Variants in SLIT3 observed in about 807,000 individuals in gnomAD.
SLIT3 encodes slit homolog 3 protein.
Under a neutral mutation model 184.0 loss-of-function variants are expected in SLIT3, and 68 were observed. The ratio of observed to expected loss-of-function variants is 0.37; its 90% confidence interval spans 0.30 to 0.45. The LOEUF (loss-of-function observed/expected upper bound fraction) is 0.45, where lower values mean the gene tolerates loss of function less well. SLIT3 is among the 20% of genes least tolerant of loss of function. SLIT3 has a pLI of 1.00. For missense variants in SLIT3, 1,707 were observed against 2,026.0 expected (o/e 0.84, Z 3.02); for synonymous variants, 831 against 828.6 (o/e 1.00, Z -0.05).
Position 169,098,313 on chromosome 5 carries a change from A to G in SLIT3, c.413+95166T>C, listed in dbSNP as rs182594668. 8.5e-5 allele frequency among the ~76,000 whole-genome samples: 13 copies of G among 152,352 alleles called. 1 individual carries two copies. Among genetic ancestry groups the G allele is most frequent in the Middle Eastern group, 3.4e-3 (1 of 292 alleles). ...ACACCCAAATCACACACGTGTGTGT[A>G]TACACACAGTATACATGCAACCGAT... On this transcript the variant is annotated intron_variant, in intron 4 of 35. Transcript: ENST00000519560.
intron 4 of SLIT3, chr5:169,012,606 C>T (rs190162043): frequency 6.6e-6 from 1 of 152,344 alleles, no homozygotes; most frequent in East Asian, 1.9e-4. Context: ...GCTGTCTCTC[C>T]TTCTGACCTC....
chr5:169,099,110 C>T (rs997204807), intron 4 of SLIT3, among the ~76,000 whole-genome samples: 1 of 152,070 alleles, frequency 6.6e-6, no homozygotes, highest in Non-Finnish European at 1.5e-5. Flanking sequence ...CAGCCCCTCT[C>T]CCCAGTGTTC....
intron 12 of SLIT3, among the ~76,000 whole-genome samples, chr5:168,777,107 C>CACA (rs1755788795): frequency 0.06 from 726 of 12,172 alleles, 1 homozygote; most frequent in African/African-American, 0.13. Flanking sequence ...ACACACACAC[C>CACA]CCCCATACCA....
rs1581388578 is a variant in SLIT3 at position 169,082,047 on chromosome 5, C to G, written c.413+111432G>C. On this transcript the variant is annotated intron_variant, in intron 4 of 35. Coordinates refer to ENST00000519560, the MANE Select transcript of SLIT3 (RefSeq NM_003062.4). ...TATTCGTTATCCCATTTAACACAAA[C>G]AATTCTGAGATCCTTATTATTAGCA... Among the ~76,000 whole-genome samples, 4 of 152,178 alleles carry G rather than the reference C, an allele frequency of 2.6e-5. No individual in the cohort carries two copies. The South Asian group carries it at 6.2e-4, about 24-fold the overall frequency.
chr5:168,983,502 T>C (rs928588962), intron 4 of SLIT3, among the ~76,000 whole-genome samples: 7 of 152,282 alleles, frequency 4.6e-5, no homozygotes, highest in African/African-American at 1.7e-4. Context: ...TAAGATTCTT[T>C]TGGGGTGGTA....
chr5:168,818,679 T>C (rs116329147), intron 7 of SLIT3, among the ~76,000 whole-genome samples: 1,857 of 152,344 alleles, frequency 0.012, 37 homozygotes, highest in African/African-American at 0.042. Context: ...GTCAGCCCTG[T>C]GGAGAGGCTC....
intron 11 of SLIT3, among the ~76,000 whole-genome samples, chr5:168,788,859 T>C (rs1049041827): frequency 3.3e-5 from 5 of 152,168 alleles, no homozygotes; most frequent in Non-Finnish European, 7.3e-5. Context: ...GTGATCATCA[T>C]TGGATGTGTT....
At chr5:168,754,514 T>C (rs965861167) in intron 16 of SLIT3, among the ~76,000 whole-genome samples, 3 of 152,120 alleles carry the variant, frequency 2.0e-5, no homozygotes, top group African/African-American at 7.2e-5. Context: ...GAGAGGTTGG[T>C]TAATGGGGGA....
At chr5:168,680,065 A>G (rs771549249) in intron 32 of SLIT3, among the ~76,000 whole-genome samples, 6 of 152,236 alleles carry the variant, frequency 3.9e-5, no homozygotes, top group Non-Finnish European at 7.3e-5. Flanking sequence ...TTCTCTTGAT[A>G]ATCTATATTC....
Position 168,967,525 on chromosome 5 carries a change from C to T in SLIT3, c.414-84189G>A, listed in dbSNP as rs1231624283. 7.3e-5 allele frequency among the ~76,000 whole-genome samples: 8 copies of T among 109,226 alleles called. 1 individual carries two copies. Among genetic ancestry groups the T allele is most frequent in the Admixed American group, 1.1e-4 (1 of 9,458 alleles). The allele number at this position is 109,226 out of a possible 152,430, so 71.7% of individuals were successfully genotyped here. A position where few individuals can be genotyped will look rare whatever the true frequency, so the allele number is the denominator to read the frequency against. ...CGGGATCTCGGCTCACTGCAAGCTC[C>T]GCCTCCCGGGTTCACGCCATTCTCC... is the stretch of plus-strand genomic sequence containing the variant. On this transcript the variant is annotated intron_variant, in intron 4 of 35. Transcript: ENST00000519560.
intron 4 of SLIT3, among the ~76,000 whole-genome samples, chr5:169,035,185 T>C (rs1581334057): frequency 6.6e-6 from 1 of 152,196 alleles, no homozygotes; most frequent in South Asian, 2.1e-4. Flanking sequence ...GTGGATAGAC[T>C]GTAAGAGAAG....
chr5:168,953,898 C>T lies in SLIT3; in HGVS notation c.414-70562G>A, dbSNP rs533734214. Among the ~76,000 whole-genome samples the T allele has an allele frequency of 9.8e-5, 15 of 152,310 alleles. No individual in the cohort carries two copies. In the South Asian group the frequency reaches 2.9e-3, roughly 29 times the overall value. On this transcript the variant is annotated intron_variant, in intron 4 of 35. Transcript: ENST00000519560. The stretch of plus-strand genomic sequence containing the variant: ...CCCTTCAAAATGTTTTCACTGCTGC[C>T]GGCGGCTGAGCACTGAAGAAATGCT...
intron 20 of SLIT3, among the ~76,000 whole-genome samples, chr5:168,725,648 C>T (rs1763086102): frequency 6.6e-6 from 1 of 152,208 alleles, no homozygotes; most frequent in African/African-American, 2.4e-5. Context: ...ATGCAAATCA[C>T]CTGGATTTTG....
intron 4 of SLIT3, among the ~76,000 whole-genome samples, chr5:169,181,786 G>T (rs1172567255): frequency 6.7e-6 from 1 of 149,378 alleles, no homozygotes; most frequent in Non-Finnish European, 1.5e-5. Flanking sequence ...TGAGTATCTT[G>T]ATCCACAATA....
At position 168,708,000 on chromosome 5, in the gene SLIT3, G is replaced by C. The variant is rs1323706618; in HGVS notation, c.2820C>G (p.Arg940=). The change falls in exon 26 of 36, where the codon CGC becomes CGG. Residue 940 remains arginine, a synonymous_variant. Coordinates refer to ENST00000519560, the MANE Select transcript of SLIT3 (RefSeq NM_003062.4). ...TCTQDPVELY[R]CACPYSYKGK... Reference sequence around the variant, plus strand: ...CCTTGTAGCTGTAGGGGCAGGCACAGCGGTACAGCTCCACAGGGTCCTGGG... The same window carrying C: ...CCTTGTAGCTGTAGGGGCAGGCACACCGGTACAGCTCCACAGGGTCCTGGG... 3 of 1,614,202 alleles carry C rather than the reference G, an allele frequency of 1.9e-6. No homozygotes were observed. Among genetic ancestry groups the C allele is most frequent in the Non-Finnish European group, 2.5e-6 (3 of 1,180,018 alleles).
chr5:168,729,310 T>G (rs529201587), intron 20 of SLIT3, among the ~76,000 whole-genome samples: 1 of 152,056 alleles, frequency 6.6e-6, no homozygotes, highest in Non-Finnish European at 1.5e-5. Flanking sequence ...GGCAAATACA[T>G]TGCAAAAAGG....
chr5:168,776,574 A>G (rs970289650), intron 12 of SLIT3, among the ~76,000 whole-genome samples: 1 of 152,158 alleles, frequency 6.6e-6, no homozygotes, highest in African/African-American at 2.4e-5. Context: ...AGCGGTTATG[A>G]TAATTGAGGT....
chr5:168,926,493 T>C (rs1014613114), intron 4 of SLIT3, among the ~76,000 whole-genome samples: 2 of 152,228 alleles, frequency 1.3e-5, no homozygotes, highest in Non-Finnish European at 2.9e-5. Flanking sequence ...AGCTGGACCA[T>C]CACAAAGCCA....
intron 4 of SLIT3, among the ~76,000 whole-genome samples, chr5:168,991,313 G>T (rs1755318885): frequency 6.6e-6 from 1 of 152,216 alleles, no homozygotes; most frequent in South Asian, 2.1e-4. Flanking sequence ...GAGGCTCAGA[G>T]GCCTCCAAAG....
Sources: gnomAD v4.1 joint callset for allele counts (sites outside exome capture counted in the v4.1 genomes callset) on GRCh38, gnomAD v4.1.1 for gene constraint, MANE v1.5 for transcripts, NCBI Gene and HGNC (gene_info 2026-07-23, HGNC 2026-07-21) for gene names.